CYP39A1: variants seen among roughly 807,000 people sequenced by gnomAD.
The protein encoded by CYP39A1 is 24-hydroxycholesterol 7-alpha-hydroxylase.
Under a neutral mutation model 58.1 loss-of-function variants are expected in CYP39A1, and 49 were observed. That is an observed-to-expected ratio of 0.84 (90% confidence interval 0.67 to 1.07). The LOEUF is 1.07. CYP39A1 is among the 50% of genes least tolerant of loss of function. The pLI is 0.00. For missense variants in CYP39A1, 531 were observed against 539.4 expected (o/e 0.98, Z 0.16); for synonymous variants, 209 against 187.6 (o/e 1.11, Z -0.93).
intron 10 of CYP39A1, among the ~76,000 whole-genome samples, chr6:46,572,072 C>T (rs1303651697): frequency 1.3e-5 from 2 of 152,046 alleles, no homozygotes; most frequent in Admixed American, 1.3e-4. Flanking sequence ...CCCCCACATG[C>T]ATTATATGTT....
chr6:46,639,499 T>G lies in CYP39A1; in HGVS notation c.483A>C (p.Leu161Phe). ...GTHGTMDLNNLVRHLLYPVTV... is the reference protein window; with the variant it reads ...GTHGTMDLNNFVRHLLYPVTV... ...ATACTAATGCGTCTATTTACCTTACTAAGTTGTTCAGGTCCATTGTCCCAT... is the reference window on the plus strand; with the variant it reads ...ATACTAATGCGTCTATTTACCTTACGAAGTTGTTCAGGTCCATTGTCCCAT... The change falls in exon 3 of 12, where the codon TTA becomes TTC. Residue 161 changes from leucine to phenylalanine, a missense_variant. Transcript: ENST00000275016. 6.2e-7 allele frequency: 1 copy of G among 1,613,958 alleles called. No individual in the cohort carries two copies. The highest frequency in any genetic ancestry group is 8.5e-7 in the Non-Finnish European group (1 of 1,179,936).
intron 10 of CYP39A1, among the ~76,000 whole-genome samples, chr6:46,574,497 T>C (rs1309891580): frequency 1.3e-5 from 2 of 152,206 alleles, no homozygotes; most frequent in Admixed American, 1.3e-4. Flanking sequence ...GAGGAGATAA[T>C]AACCTATGGA....
At chr6:46,555,397 C>T (rs544254105) in intron 10 of CYP39A1, among the ~76,000 whole-genome samples, 2 of 152,240 alleles carry the variant, frequency 1.3e-5, no homozygotes, top group African/African-American at 4.8e-5. Context: ...CAGGGCTCTC[C>T]CAGAGGAGGA....
Position 46,625,419 on chromosome 6 carries a change from T to G in CYP39A1, c.930A>C (p.Ala310=). 6.2e-7 allele frequency: 1 copy of G among 1,604,612 alleles called. No homozygotes were observed. Among genetic ancestry groups the G allele is most frequent in the Non-Finnish European group, 8.5e-7 (1 of 1,174,602 alleles). ...TTCCTATATAATAAGGTTTAGTACC[T>G]GCTTTGCCAAACACAGAAGATATGC... ...MEGISSVFGK[A]GKDKIKVSED... is the part of the protein sequence containing the mutation. The change falls in exon 7 of 12, where the codon GCA becomes GCC. Residue 310 remains alanine, a splice_region_variant and synonymous_variant. Transcript: ENST00000275016.
chr6:46,635,513 C>T (rs1775929608), intron 5 of CYP39A1, among the ~76,000 whole-genome samples: 1 of 152,156 alleles, frequency 6.6e-6, no homozygotes, highest in South Asian at 2.1e-4. Context: ...AAAGGTAAGG[C>T]TTGTTAAAGC....
Position 46,637,938 on chromosome 6 carries a change from T to C in CYP39A1, c.529A>G (p.Lys177Glu). Reference protein sequence around the residue: ...YPVTVNMLFNKSLFSTNKKKI... With the variant: ...YPVTVNMLFNESLFSTNKKKI... The stretch of plus-strand genomic sequence containing the variant: ...TTCTTGTTTGTGGAAAACAAACTTT[T>C]ATTAAAGAGCATATTCACTGTGACT... Residue 177 changes from lysine (K) to glutamate (E), a missense_variant, in exon 4 of 12, where the codon AAA (lysine) becomes GAA (glutamate). Lys to Glu is a moderately conservative substitution (Grantham distance 56). Transcript: ENST00000275016. 1.2e-6 allele frequency: 2 copies of C among 1,613,246 alleles called. No homozygotes were observed. Among genetic ancestry groups the C allele is most frequent in the Non-Finnish European group, 1.7e-6 (2 of 1,179,804 alleles).
At chr6:46,639,935 T>C (rs2150595160) in intron 2 of CYP39A1, among the ~76,000 whole-genome samples, 1 of 152,272 alleles carries the variant, frequency 6.6e-6, no homozygotes, top group East Asian at 1.9e-4. Flanking sequence ...ACCAACATGG[T>C]GAAACCCTGT....
At chr6:46,567,981 T>G (rs989937805) in intron 10 of CYP39A1, among the ~76,000 whole-genome samples, 1 of 121,602 alleles carries the variant, frequency 8.2e-6, no homozygotes, top group Non-Finnish European at 1.6e-5. Flanking sequence ...ATTGAGCTTA[T>G]AAGACATTTT....
rs572614467 is a variant in CYP39A1 at position 46,558,464 on chromosome 6, C to T, written c.1251-4610G>A. Among the ~76,000 whole-genome samples, 17 of 152,134 alleles carry T rather than the reference C, an allele frequency of 1.1e-4. No homozygotes were observed. In the South Asian group the frequency reaches 1.7e-3, roughly 15 times the overall value. On this transcript the variant is annotated intron_variant, in intron 10 of 11. Transcript: ENST00000275016. ...TCTCGTGAGAACTCATTCACTATCA[C>T]GAACATCAAGGGGGAAGTTCACCCC...
chr6:46,624,722 T>C (rs1451195036), intron 7 of CYP39A1, among the ~76,000 whole-genome samples: 5 of 152,100 alleles, frequency 3.3e-5, no homozygotes, highest in African/African-American at 1.2e-4. Context: ...TAATACGACA[T>C]ATTAAGAAGT....
intron 1 of CYP39A1, among the ~76,000 whole-genome samples, chr6:46,648,271 A>G (rs1762450917): frequency 6.6e-6 from 1 of 152,160 alleles, no homozygotes; most frequent in Non-Finnish European, 1.5e-5. Flanking sequence ...CCAAATGTCC[A>G]TCAATGATAG....
chr6:46,634,639 A>G (rs1360666459), intron 5 of CYP39A1, among the ~76,000 whole-genome samples: 4 of 150,200 alleles, frequency 2.7e-5, no homozygotes, highest in Admixed American at 1.3e-4. Flanking sequence ...CTCCTGCCTC[A>G]GCCTCCTGAG....
intron 6 of CYP39A1, among the ~76,000 whole-genome samples, chr6:46,629,536 T>C (rs1030694210): frequency 2.6e-5 from 4 of 152,198 alleles, no homozygotes; most frequent in African/African-American, 9.7e-5. Flanking sequence ...CTGGCTAACA[T>C]ACCTTTGAGA....
At chr6:46,602,217 CT>C (rs1263714084) in intron 7 of CYP39A1, among the ~76,000 whole-genome samples, 1 of 152,046 alleles carries the variant, frequency 6.6e-6, no homozygotes, top group Non-Finnish European at 1.5e-5. Context: ...AATTAGGAAG[CT>C]TTTAATTTGT....
chr6:46,630,365 A>G (rs536106246), intron 6 of CYP39A1, among the ~76,000 whole-genome samples: 16 of 152,188 alleles, frequency 1.1e-4, no homozygotes, highest in Non-Finnish European at 1.9e-4. Context: ...TAGAGAAATG[A>G]GAATTACCAT....
At chr6:46,630,465 C>T (rs781049692) in intron 6 of CYP39A1, among the ~76,000 whole-genome samples, 4 of 152,066 alleles carry the variant, frequency 2.6e-5, no homozygotes, top group Non-Finnish European at 4.4e-5. Flanking sequence ...AGTACATTAT[C>T]TCTTATTAGG....
chr6:46,638,094 G>T, intron 3 of CYP39A1, 116 bp from the exon 4 acceptor site: 2 of 1,022,044 alleles, frequency 2.0e-6, no homozygotes, highest in Non-Finnish European at 1.4e-6. Flanking sequence ...ATAGGTGACA[G>T]ATTCTCTTGG....
chr6:46,593,523 T>C (rs1772967619), intron 8 of CYP39A1, among the ~76,000 whole-genome samples: 1 of 152,040 alleles, frequency 6.6e-6, no homozygotes, highest in Non-Finnish European at 1.5e-5. Context: ...AAGTATGAAC[T>C]GTTGAAATCC....
At chr6:46,560,776 AT>A (rs558820988) in intron 10 of CYP39A1, among the ~76,000 whole-genome samples, 1 of 106,078 alleles carries the variant, frequency 9.4e-6, no homozygotes, top group South Asian at 2.8e-4. Flanking sequence ...AATAAACTTG[AT>A]TAAAAAAAAT....
Sources: allele counts gnomAD v4.1 joint callset (sites outside exome capture counted in the v4.1 genomes callset), GRCh38; gene constraint gnomAD v4.1.1; transcripts MANE v1.5; gene names NCBI Gene and HGNC (gene_info 2026-07-23, HGNC 2026-07-21).